CD47: variants seen among roughly 807,000 people sequenced by gnomAD.
CD47 encodes the protein leukocyte surface antigen CD47.
In CD47, 11 loss-of-function variants were observed where a neutral mutation model predicts 44.6. That is an observed-to-expected ratio of 0.25 (90% CI 0.16 to 0.41). CD47 has a LOEUF of 0.41. Among genes scored for constraint, CD47 ranks in the 10% least tolerant of loss-of-function variants. The probability of loss-of-function intolerance (pLI) is 1.00; values close to 1 mark genes in which losing one functional copy is unlikely to be tolerated. For synonymous variants in CD47, 140 were observed against 136.3 expected, an observed-to-expected ratio of 1.03 and a Z score of -0.19; for missense variants, 306 against 386.7, an observed-to-expected ratio of 0.79 and a Z score of 1.75.
At chr3:108,080,374 A>T in intron 1 of CD47, 30 bp from the exon 2 acceptor site, 1 of 1,196,184 alleles carries the variant, frequency 8.4e-7, no homozygotes. Flanking sequence ...ATGTTTCATT[A>T]ATTATAGAAG....
chr3:108,071,033 T>C (rs1454124415), intron 3 of CD47, 60 bp downstream of exon 3: 5 of 722,046 alleles, frequency 6.9e-6, no homozygotes, highest in Non-Finnish European at 1.1e-5. Context: ...GCTGACAATG[T>C]CTCGTAGAAA....
At chr3:108,056,377 A>G (rs976620670) in intron 7 of CD47, among the ~76,000 whole-genome samples, 15 of 152,304 alleles carry the variant, frequency 9.8e-5, no homozygotes, top group African/African-American at 3.6e-4. Context: ...AAAGAAAGAC[A>G]CAGAATATAT....
chr3:108,090,343 T>G lies in CD47; in HGVS notation c.46+520A>C, dbSNP rs1054263787. Among the ~76,000 whole-genome samples, 4 of 152,310 alleles carry G rather than the reference T, an allele frequency of 2.6e-5. No individual in the cohort carries two copies. The South Asian group carries it at 8.3e-4, about 32-fold the overall frequency. On this transcript the variant is annotated intron_variant, in intron 1 of 10. Transcript: ENST00000361309. ...GTCCTTTACGTCCTCTTCGCTCCTA[T>G]GTTCATGTGGGAGGCAAACGGCAGA...
intron 7 of CD47, among the ~76,000 whole-genome samples, chr3:108,055,202 AT>A (rs1420595759): frequency 6.6e-6 from 1 of 152,230 alleles, no homozygotes; most frequent in African/African-American, 2.4e-5. Context: ...AAAGTTGGAA[AT>A]AATAAAAATT....
intron 10 of CD47, 32 bp from the exon 11 acceptor site, chr3:108,047,324 T>C (rs757400316): frequency 2.4e-5 from 38 of 1,555,840 alleles, no homozygotes; most frequent in Non-Finnish European, 2.9e-5. Context: ...ACATAATCAC[T>C]ATTCGTGTCT....
chr3:108,075,279 A>C (rs1383781072), intron 2 of CD47, among the ~76,000 whole-genome samples: 1 of 152,186 alleles, frequency 6.6e-6, no homozygotes, highest in African/African-American at 2.4e-5. Context: ...GGTGTAGTCA[A>C]TGAATAAGTG....
intron 2 of CD47, among the ~76,000 whole-genome samples, chr3:108,075,874 C>T (rs1251093737): frequency 1.3e-5 from 2 of 152,204 alleles, no homozygotes; most frequent in African/African-American, 4.8e-5. Context: ...GAGAGGGATT[C>T]AACAAGAGGA....
In CD47 at chr3:108,043,238, TA is replaced by T. The variant is rs1231102245; in HGVS notation, c.*4049del. The T allele has an allele frequency of 6.6e-6, 1 of 152,582 alleles. No individual in the cohort carries two copies. The highest frequency in any genetic ancestry group is 1.5e-5 in the Non-Finnish European group (1 of 68,028). The allele number at this position is 152,582 out of a possible 1,614,324, so 9.5% of individuals were successfully genotyped here. Reference sequence around the variant, plus strand: ...GCAACTTAAAAATACATTAATAAATTAAATTTTTCAGAAATGTGCTTGTGGT... The same window carrying T: ...GCAACTTAAAAATACATTAATAAATTAATTTTTCAGAAATGTGCTTGTGGT... On this transcript the variant is annotated 3_prime_UTR_variant, in exon 11 of 11. Transcript: ENST00000361309.
At chr3:108,061,031 C>T (rs778660086) in intron 3 of CD47, among the ~76,000 whole-genome samples, 179 bp from the exon 4 acceptor site, 11 of 151,576 alleles carry the variant, frequency 7.3e-5, no homozygotes, top group Non-Finnish European at 1.2e-4. Context: ...GATAACGTCA[C>T]GGCAGTATAA....
chr3:108,055,176 T>C (rs1261631934), intron 7 of CD47, among the ~76,000 whole-genome samples: 2 of 152,036 alleles, frequency 1.3e-5, no homozygotes, highest in African/African-American at 2.4e-5. Flanking sequence ...AAATAGCAAA[T>C]TAAGGCTACA....
chr3:108,090,842 T>G (rs1227957987), intron 1 of CD47, 21 bp downstream of exon 1: 1 of 1,484,448 alleles, frequency 6.7e-7, no homozygotes, highest in Non-Finnish European at 8.9e-7. Context: ...GCCGCAGGGC[T>G]GGGAGCGAGG....
chr3:108,082,078 A>AT (rs761388430), intron 1 of CD47, among the ~76,000 whole-genome samples: 13 of 152,156 alleles, frequency 8.5e-5, no homozygotes, highest in Non-Finnish European at 1.8e-4. Context: ...CCAGAGAAGA[A>AT]TAAAGGGGTG....
chr3:108,050,947 A>G, intron 8 of CD47: 1 of 306,630 alleles, frequency 3.3e-6, no homozygotes, highest in Non-Finnish European at 6.5e-6. Flanking sequence ...GAAGAGGTGG[A>G]AGCAAAACAG....
rs956010860 is a variant in CD47 at position 108,043,548 on chromosome 3, A to G, written c.*3740T>C. ...ATAGCACACCTTTAATTGCTATGCAAAAAAGCTCCAAGAGAGGATCTTGCA... is the reference window on the plus strand; with the variant it reads ...ATAGCACACCTTTAATTGCTATGCAGAAAAGCTCCAAGAGAGGATCTTGCA... On this transcript the variant is annotated 3_prime_UTR_variant, in exon 11 of 11. Coordinates refer to ENST00000361309, the MANE Select transcript of CD47 (RefSeq NM_001777.4). The G allele has an allele frequency of 3.5e-4, 53 of 152,626 alleles. 1 individual carries two copies. Among genetic ancestry groups the G allele is most frequent in the Admixed American group, 2.4e-3 (37 of 15,284 alleles). 9.5% of individuals were successfully genotyped at this position (152,626 alleles called of 1,614,324 possible).
intron 3 of CD47, among the ~76,000 whole-genome samples, chr3:108,070,132 C>T (rs2079174242): frequency 6.6e-6 from 1 of 152,076 alleles, no homozygotes. Context: ...TTATACACCA[C>T]CATAGATATA....
At chr3:108,048,630 C>T (rs113934610) in intron 10 of CD47, among the ~76,000 whole-genome samples, 1,867 of 151,960 alleles carry the variant, frequency 0.012, 33 homozygotes, top group African/African-American at 0.043. Context: ...GTGATCCGCC[C>T]GCCTCGGCCT....
intron 3 of CD47, among the ~76,000 whole-genome samples, chr3:108,069,788 T>C (rs1238007443): frequency 6.6e-6 from 1 of 152,196 alleles, no homozygotes; most frequent in Non-Finnish European, 1.5e-5. Flanking sequence ...CCAAGTCATA[T>C]GACTTAGCCC....
At chr3:108,057,111 A>G (rs893586827) in intron 7 of CD47, among the ~76,000 whole-genome samples, 6 of 152,306 alleles carry the variant, frequency 3.9e-5, no homozygotes, top group South Asian at 4.1e-4. Context: ...ATCCTATTCT[A>G]TTACTTAAAA....
chr3:108,069,765 G>A (rs1415693124), intron 3 of CD47, among the ~76,000 whole-genome samples: 2 of 152,046 alleles, frequency 1.3e-5, no homozygotes, highest in African/African-American at 4.8e-5. Flanking sequence ...CTTTGAAAAA[G>A]GCTGTTCCCT....
Sources: gnomAD v4.1 joint callset for allele counts (sites outside exome capture counted in the v4.1 genomes callset) on GRCh38, gnomAD v4.1.1 for gene constraint, MANE v1.5 for transcripts, NCBI Gene and HGNC (gene_info 2026-07-23, HGNC 2026-07-21) for gene names.